Variants in VPS13B observed in about 807,000 individuals in gnomAD.
The protein encoded by VPS13B is intermembrane lipid transfer protein VPS13B.
VPS13B carries 285 observed loss-of-function variants against 426.4 expected under a neutral mutation model. The observed-to-expected ratio is 0.67, with a 90% CI of 0.61 to 0.74. VPS13B has a LOEUF of 0.74. Ranked by LOEUF, VPS13B falls within the 30% of genes least tolerant of loss-of-function variation. The probability of loss-of-function intolerance (pLI) is 0.00; values close to 1 mark genes in which losing one functional copy is unlikely to be tolerated. For synonymous variants in VPS13B, 1,676 were observed against 1,676.4 expected (o/e 1.00, Z 0.01); for missense variants, 4,537 against 4,782.6 (o/e 0.95, Z 1.51).
At chr8:99,859,256 G>A (rs1468486539) in intron 56 of VPS13B, 48 bp from the exon 57 acceptor site, 2 of 1,609,040 alleles carry the variant, frequency 1.2e-6, no homozygotes, top group Non-Finnish European at 1.7e-6. Context: ...AATGTTGAAA[G>A]TTCTGCATTT....
At chr8:99,274,956 G>A (rs1818815963) in intron 18 of VPS13B, 125 bp from the exon 19 acceptor site, 2 of 848,624 alleles carry the variant, frequency 2.4e-6, no homozygotes, top group Non-Finnish European at 3.4e-6. Context: ...ATAATTAAAT[G>A]TATAGCTAAT....
chr8:99,084,409 T>C (rs991500036), intron 3 of VPS13B, among the ~76,000 whole-genome samples: 5 of 152,208 alleles, frequency 3.3e-5, no homozygotes, highest in African/African-American at 1.2e-4. Flanking sequence ...CACCAGCTCC[T>C]GGATTCTTTA....
intron 33 of VPS13B, among the ~76,000 whole-genome samples, chr8:99,624,867 G>A (rs1828539738): frequency 1.3e-5 from 2 of 151,102 alleles, no homozygotes. Context: ...GCCCAGGCTG[G>A]GGTGCAATGG....
intron 21 of VPS13B, among the ~76,000 whole-genome samples, chr8:99,391,970 C>T (rs1446107722): frequency 6.6e-6 from 1 of 152,202 alleles, no homozygotes; most frequent in Non-Finnish European, 1.5e-5. Context: ...GGATAGAAAG[C>T]ATGCCTGCCC....
At chr8:99,570,807 A>G (rs1231748889) in intron 31 of VPS13B, among the ~76,000 whole-genome samples, 1 of 152,074 alleles carries the variant, frequency 6.6e-6, no homozygotes, top group East Asian at 1.9e-4. Flanking sequence ...CATGTTTTCT[A>G]GAGAGGTTTT....
intron 39 of VPS13B, among the ~76,000 whole-genome samples, chr8:99,755,203 G>A (rs117378288): frequency 6.6e-6 from 1 of 152,230 alleles, no homozygotes; most frequent in Non-Finnish European, 1.5e-5. Flanking sequence ...TGTGCAAGCA[G>A]TAAGTGAAGG....
At chr8:99,542,300 A>G (rs890307169) in intron 30 of VPS13B, among the ~76,000 whole-genome samples, 2 of 152,198 alleles carry the variant, frequency 1.3e-5, no homozygotes, top group Admixed American at 6.5e-5. Flanking sequence ...TAATATCTAT[A>G]TAATTTATCA....
chr8:99,593,605 C>T (rs529966121), intron 33 of VPS13B, among the ~76,000 whole-genome samples: 37 of 152,130 alleles, frequency 2.4e-4, no homozygotes, highest in Non-Finnish European at 2.5e-4. Context: ...GATACATGCA[C>T]GTATATGTTC....
chr8:99,209,896 G>GT lies in VPS13B; in HGVS notation c.2515+16841dup, dbSNP rs55729003. On this transcript the variant is annotated intron_variant, in intron 17 of 61. Coordinates refer to ENST00000357162, the MANE Select transcript of VPS13B (RefSeq NM_152564.5). ...AATGTATACTAAATGTTAATATTTG[G>GT]TTCGTACTCAAAATTTTTTTTTTAA... is the stretch of plus-strand genomic sequence containing the variant. The GT allele has an allele frequency of 0.77, 276,955 of 361,404 alleles. 107,751 individuals are homozygous for GT. The highest frequency in any genetic ancestry group is 0.86 in the South Asian group (7,688 of 8,908). 22.4% of individuals were successfully genotyped at this position (361,404 alleles called of 1,614,324 possible).
chr8:99,859,182 CAG>C (rs1375918370), intron 56 of VPS13B, 120 bp from the exon 57 acceptor site: 4 of 1,210,406 alleles, frequency 3.3e-6, no homozygotes, highest in Middle Eastern at 2.7e-4. Context: ...TCCAAAGAAA[CAG>C]ATTACTTTCC....
intron 40 of VPS13B, among the ~76,000 whole-genome samples, chr8:99,774,010 A>T (rs1234003248): frequency 6.6e-6 from 1 of 152,182 alleles, no homozygotes; most frequent in Non-Finnish European, 1.5e-5. Context: ...CATATTTATG[A>T]CTATTTAGTC....
intron 21 of VPS13B, among the ~76,000 whole-genome samples, chr8:99,395,822 C>G (rs1324233029): frequency 6.6e-6 from 1 of 151,964 alleles, no homozygotes. Flanking sequence ...TATTAAATAC[C>G]TATATGTTAA....
intron 35 of VPS13B, among the ~76,000 whole-genome samples, chr8:99,693,213 G>C (rs1184237775): frequency 6.6e-6 from 1 of 151,164 alleles, no homozygotes; most frequent in Non-Finnish European, 1.5e-5. Flanking sequence ...ACATCATTCT[G>C]ATACCAAAGC....
At chr8:99,253,613 A>G (rs1244358744) in intron 17 of VPS13B, among the ~76,000 whole-genome samples, 2 of 151,998 alleles carry the variant, frequency 1.3e-5, no homozygotes, top group East Asian at 1.9e-4. Flanking sequence ...ACTTGCCTAC[A>G]TTGTTATATT....
intron 5 of VPS13B, among the ~76,000 whole-genome samples, 192 bp from the exon 6 acceptor site, chr8:99,110,906 A>C (rs1426266633): frequency 6.6e-6 from 1 of 151,944 alleles, no homozygotes; most frequent in Non-Finnish European, 1.5e-5. Context: ...TATTTCATAA[A>C]GTTGTTGGAA....
chr8:99,871,181 C>T, intron 60 of VPS13B: 1 of 607,476 alleles, frequency 1.6e-6, no homozygotes, highest in Non-Finnish European at 2.9e-6. Context: ...GTGGAACCAG[C>T]ACTCTAATTA....
chr8:99,483,818 A>G (rs1287208330), intron 25 of VPS13B, among the ~76,000 whole-genome samples: 3 of 152,172 alleles, frequency 2.0e-5, no homozygotes, highest in African/African-American at 4.8e-5. Context: ...CAGGGCTCAC[A>G]TGAAATGGTG....
At chr8:99,331,591 C>A (rs1006128984) in intron 19 of VPS13B, among the ~76,000 whole-genome samples, 1 of 151,636 alleles carries the variant, frequency 6.6e-6, no homozygotes, top group Admixed American at 6.6e-5. Flanking sequence ...TAAAATATAA[C>A]CTGTAAGGGC....
intron 21 of VPS13B, among the ~76,000 whole-genome samples, chr8:99,399,610 T>C (rs1814925966): frequency 6.6e-6 from 1 of 152,170 alleles, no homozygotes; most frequent in South Asian, 2.1e-4. Flanking sequence ...CCTTCGGTCA[T>C]CTCATGACAA....
Sources: gnomAD v4.1 joint callset for allele counts (sites outside exome capture counted in the v4.1 genomes callset) on GRCh38, gnomAD v4.1.1 for gene constraint, MANE v1.5 for transcripts, NCBI Gene and HGNC (gene_info 2026-07-23, HGNC 2026-07-21) for gene names.